The following DNAH17 variants were observed in gnomAD, a reference collection of about 807,000 sequenced individuals.
DNAH17 encodes axonemal beta dynein heavy chain 17.
In DNAH17, 376 loss-of-function variants were observed where a neutral mutation model predicts 485.6. The observed-to-expected ratio is 0.77, with a 90% CI of 0.71 to 0.84. The LOEUF is 0.84. Ranked by LOEUF, DNAH17 falls within the 40% of genes least tolerant of loss-of-function variation. The pLI is 0.00. For synonymous variants in DNAH17, 3,031 were observed against 2,405.9 expected (o/e 1.26, Z -7.60); for missense variants, 6,370 against 5,839.3 (o/e 1.09, Z -2.96).
Position 78,522,858 on chromosome 17 carries a change from CT to C in DNAH17, c.3864+2150del, listed in dbSNP as rs540576103. ...TTCTTCCTTTCTTTCCTTTTTCTTT[CT>C]TTTTTTTTTTTGAGATGTGGTTTCA... is the stretch of plus-strand genomic sequence containing the variant. On this transcript the variant is annotated intron_variant, in intron 25 of 80. Transcript: ENST00000389840. The C allele has an allele frequency of 9.7e-3, 1,547 of 159,798 alleles. 3 individuals are homozygous for C. The highest frequency in any genetic ancestry group is 0.024 in the South Asian group (148 of 6,260). 9.9% of individuals were successfully genotyped at this position (159,798 alleles called of 1,614,324 possible). A position where few individuals can be genotyped will look rare whatever the true frequency, so the allele number is the denominator to read the frequency against.
intron 13 of DNAH17, among the ~76,000 whole-genome samples, chr17:78,559,637 A>G (rs906749110): frequency 1.3e-5 from 2 of 152,030 alleles, no homozygotes; most frequent in Admixed American, 6.6e-5. Flanking sequence ...CAATCTACGC[A>G]CCTCACAGCG....
Position 78,475,889 on chromosome 17 carries a change from G to A in DNAH17, c.8155-56C>T, listed in dbSNP as rs2088993072. On this transcript the variant is annotated intron_variant, in intron 52 of 80. Coordinates refer to ENST00000389840, the MANE Select transcript of DNAH17 (RefSeq NM_173628.4). ...CGGTTTTTGCCACCATGACCACACA[G>A]ATAGTTAACAGCAATTCAGTACTTT... 34 of 1,577,514 alleles carry A rather than the reference G, an allele frequency of 2.2e-5. No individual in the cohort carries two copies. In the South Asian group the frequency reaches 3.0e-4, roughly 14 times the overall value.
In DNAH17 at chr17:78,517,935, G is replaced by T. The variant is rs138436012; in HGVS notation, c.3865-2913C>A. ...TGAGGGCAAAGAGATCTAAATGGAAGTGAGGTTTCTACACACAAAAGTGAC... is the reference window on the plus strand; with the variant it reads ...TGAGGGCAAAGAGATCTAAATGGAATTGAGGTTTCTACACACAAAAGTGAC... On this transcript the variant is annotated intron_variant, in intron 25 of 80. Transcript: ENST00000389840. 6.6e-5 allele frequency among the ~76,000 whole-genome samples: 10 copies of T among 152,334 alleles called. No homozygotes were observed. The East Asian group carries it at 1.9e-3, about 29-fold the overall frequency.
chr17:78,453,789 G>C (rs2087660523), intron 64 of DNAH17, among the ~76,000 whole-genome samples: 1 of 152,234 alleles, frequency 6.6e-6, no homozygotes, highest in East Asian at 1.9e-4. Flanking sequence ...CCAGGCTCAA[G>C]TGATCCTCCC....
chr17:78,477,601 A>G (rs1036045479), intron 51 of DNAH17, among the ~76,000 whole-genome samples: 9 of 151,902 alleles, frequency 5.9e-5, no homozygotes, highest in African/African-American at 2.2e-4. Context: ...CTGGTCTCGA[A>G]CTCCTGACCT....
intron 11 of DNAH17, among the ~76,000 whole-genome samples, chr17:78,562,730 T>C (rs1048196815): frequency 6.6e-6 from 1 of 152,208 alleles, no homozygotes; most frequent in African/African-American, 2.4e-5. Flanking sequence ...GAAGAAATAT[T>C]TTATCCACAG....
intron 19 of DNAH17, among the ~76,000 whole-genome samples, chr17:78,534,916 C>T (rs1390289525): frequency 6.6e-6 from 1 of 152,164 alleles, no homozygotes; most frequent in African/African-American, 2.4e-5. Context: ...GTACTCTCTG[C>T]CACCAAGCTA....
chr17:78,436,647 C>G (rs1029136883), intron 74 of DNAH17, among the ~76,000 whole-genome samples: 7 of 152,038 alleles, frequency 4.6e-5, no homozygotes, highest in African/African-American at 1.4e-4. Flanking sequence ...AGTTTGAGAC[C>G]AGCCTGGCCA....
Position 78,425,598 on chromosome 17 carries a change from G to A in DNAH17, c.12916-27C>T, listed in dbSNP as rs755456330. ...TGCAAGGACACACGAGCCGCTAGGA[G>A]GAGAGGACATAGAATGACATGGGAA... On this transcript the variant is annotated intron_variant, in intron 79 of 80. Transcript: ENST00000389840. 1.8e-5 allele frequency: 28 copies of A among 1,575,438 alleles called. No homozygotes were observed. The Admixed American group carries it at 2.7e-4, about 15-fold the overall frequency.
intron 41 of DNAH17, among the ~76,000 whole-genome samples, chr17:78,493,599 G>C (rs2089951553): frequency 6.6e-6 from 1 of 152,316 alleles, no homozygotes. Flanking sequence ...ATAGCAGAAG[G>C]GTCCAGCCTG....
chr17:78,563,252 T>C (rs1021182747), intron 11 of DNAH17, among the ~76,000 whole-genome samples: 2 of 152,186 alleles, frequency 1.3e-5, no homozygotes, highest in African/African-American at 4.8e-5. Flanking sequence ...CTATTTGTAT[T>C]GTGAGTTGTA....
intron 16 of DNAH17, among the ~76,000 whole-genome samples, chr17:78,546,258 G>A (rs779781297): frequency 1.6e-4 from 24 of 152,062 alleles, no homozygotes; most frequent in Non-Finnish European, 2.9e-4. Context: ...GGTCAAAAAT[G>A]GTCAATTATT....
intron 30 of DNAH17, 137 bp downstream of exon 30, chr17:78,506,583 G>T: frequency 1.5e-6 from 2 of 1,306,396 alleles, no homozygotes; most frequent in Non-Finnish European, 2.1e-6. Flanking sequence ...GCAGCTTCTG[G>T]TGCAGAGGGC....
chr17:78,486,855 T>C (rs956350976), intron 44 of DNAH17, among the ~76,000 whole-genome samples: 6 of 151,918 alleles, frequency 3.9e-5, no homozygotes, highest in Non-Finnish European at 7.4e-5. Flanking sequence ...AAAGATCTCA[T>C]GATGTCATGT....
intron 74 of DNAH17, among the ~76,000 whole-genome samples, chr17:78,435,874 A>G (rs771657003): frequency 6.6e-6 from 1 of 152,230 alleles, no homozygotes; most frequent in Non-Finnish European, 1.5e-5. Context: ...AGCAGGGTGC[A>G]GGCCAAGGCA....
intron 37 of DNAH17, among the ~76,000 whole-genome samples, chr17:78,497,208 G>A (rs1350808194): frequency 6.6e-6 from 1 of 152,164 alleles, no homozygotes; most frequent in Non-Finnish European, 1.5e-5. Flanking sequence ...AGCATCAGGG[G>A]CCGTTGCCTG....
chr17:78,535,654 A>G lies in DNAH17; in HGVS notation c.2859+1645T>C, dbSNP rs2091355195. ...TACAATTCAAACAACGCAGAAATGC[A>G]TGAGAGGAAACGCCTGCAGCCACAT... On this transcript the variant is annotated intron_variant, in intron 19 of 80. Coordinates refer to ENST00000389840, the MANE Select transcript of DNAH17 (RefSeq NM_173628.4). Among the ~76,000 whole-genome samples the G allele has an allele frequency of 3.3e-5, 5 of 152,212 alleles. 1 individual carries two copies. The South Asian group carries it at 1.0e-3, about 32-fold the overall frequency.
Position 78,485,706 on chromosome 17 carries a change from G to A in DNAH17, c.7327C>T (p.Leu2443=), listed in dbSNP as rs1207288104. The A allele has an allele frequency of 4.3e-6, 7 of 1,614,032 alleles. No individual in the cohort carries two copies. The highest frequency in any genetic ancestry group is 5.9e-6 in the Non-Finnish European group (7 of 1,179,888). ...ACCGGCCAGGACTTCTCCATGAGCA[G>A]GTCCATGAAGTAGCGGATGCGGATG... ...ETIRIRYFMD[L]LMEKSWPVML... The change falls in exon 47 of 81, where the codon CTG becomes TTG. Residue 2443 remains leucine, a synonymous_variant. Coordinates refer to ENST00000389840, the MANE Select transcript of DNAH17 (RefSeq NM_173628.4).
intron 68 of DNAH17, 114 bp downstream of exon 68, chr17:78,450,140 C>G: frequency 7.6e-7 from 1 of 1,324,382 alleles, no homozygotes; most frequent in Non-Finnish European, 1.1e-6. Flanking sequence ...CAGGTCTGCC[C>G]TCTGAGGGTG....
Sources: gnomAD v4.1 joint callset for allele counts (sites outside exome capture counted in the v4.1 genomes callset) on GRCh38, gnomAD v4.1.1 for gene constraint, MANE v1.5 for transcripts, NCBI Gene and HGNC (gene_info 2026-07-23, HGNC 2026-07-21) for gene names.